Variants in CCSER1 observed in about 807,000 individuals in gnomAD.
CCSER1 encodes the protein serine-rich coiled-coil domain-containing protein 1.
In CCSER1, 41 loss-of-function variants were observed where a neutral mutation model predicts 82.0. That is an observed-to-expected ratio of 0.50 (90% CI 0.39 to 0.65). The LOEUF is 0.65. CCSER1 is among the 30% of genes least tolerant of loss of function. CCSER1 has a pLI of 0.00. For missense variants in CCSER1, 1,119 were observed against 1,064.2 expected, an observed-to-expected ratio of 1.05 and a Z score of -0.72; for synonymous variants, 414 against 383.9, an observed-to-expected ratio of 1.08 and a Z score of -0.92.
At chr4:90,426,416 G>A (rs1757537941) in intron 4 of CCSER1, among the ~76,000 whole-genome samples, 1 of 152,102 alleles carries the variant, frequency 6.6e-6, no homozygotes, top group Non-Finnish European at 1.5e-5. Context: ...CGCATTAGGT[G>A]GGATAGGCCT....
intron 9 of CCSER1, among the ~76,000 whole-genome samples, chr4:90,990,761 A>G (rs1736960220): frequency 6.6e-6 from 1 of 151,962 alleles, no homozygotes; most frequent in Non-Finnish European, 1.5e-5. Context: ...TTATCTGTGA[A>G]AAATGAAAGG....
intron 10 of CCSER1, among the ~76,000 whole-genome samples, chr4:91,287,549 T>A (rs1560567419): frequency 6.6e-6 from 1 of 151,996 alleles, no homozygotes; most frequent in African/African-American, 2.4e-5. Context: ...GTGTTTGAAA[T>A]ATATCTTCAG....
chr4:90,416,095 G>A (rs1755745334), intron 4 of CCSER1, among the ~76,000 whole-genome samples: 2 of 152,282 alleles, frequency 1.3e-5, no homozygotes, highest in Non-Finnish European at 2.9e-5. Flanking sequence ...CTAATATACA[G>A]CATGAATGGT....
rs143583016 is a variant in CCSER1 at position 90,583,190 on chromosome 4, G to A, written c.1725-44835G>A. 6.2e-3 allele frequency among the ~76,000 whole-genome samples: 936 copies of A among 152,014 alleles called. 10 individuals are homozygous for A. The highest frequency in any genetic ancestry group is 0.021 in the African/African-American group (878 of 41,444). ...GGATATGTTTTTTGTTTTTTAAGAC[G>A]GAGTCTCGCTCTGTCGCCCAGGCTG... On this transcript the variant is annotated intron_variant, in intron 5 of 10. Transcript: ENST00000509176.
In CCSER1 at chr4:91,345,827, T is replaced by G. The variant is rs112818138; in HGVS notation, c.2218-252745T>G. Among the ~76,000 whole-genome samples, 13 of 152,236 alleles carry G rather than the reference T, an allele frequency of 8.5e-5. 1 individual carries two copies. Among genetic ancestry groups the G allele is most frequent in the African/African-American group, 3.1e-4 (13 of 41,546 alleles). ...CACTTCCCTAAATTGCCCTGTGCTC[T>G]CCTATTCATCCTTTCCCCTCATGCC... On this transcript the variant is annotated intron_variant, in intron 10 of 10. Coordinates refer to ENST00000509176, the MANE Select transcript of CCSER1 (RefSeq NM_001145065.2).
chr4:90,564,002 T>C (rs1170224885), intron 5 of CCSER1, among the ~76,000 whole-genome samples: 2 of 152,206 alleles, frequency 1.3e-5, no homozygotes, highest in Non-Finnish European at 2.9e-5. Context: ...GGATATCTCA[T>C]TGTGGTTTTG....
intron 3 of CCSER1, among the ~76,000 whole-genome samples, chr4:90,363,266 T>C (rs1049223843): frequency 6.6e-6 from 1 of 152,196 alleles, no homozygotes; most frequent in Non-Finnish European, 1.5e-5. Flanking sequence ...TTTGTAGTCA[T>C]TTGATTTTGT....
At chr4:90,927,822 GA>G (rs1407003900) in intron 9 of CCSER1, among the ~76,000 whole-genome samples, 1 of 151,968 alleles carries the variant, frequency 6.6e-6, no homozygotes, top group Non-Finnish European at 1.5e-5. Context: ...TTCATGTTAG[GA>G]ATAAGAATGA....
chr4:91,548,946 T>C (rs1202500386), intron 10 of CCSER1, among the ~76,000 whole-genome samples: 2 of 152,168 alleles, frequency 1.3e-5, no homozygotes, highest in Non-Finnish European at 2.9e-5. Context: ...AAAATATTGC[T>C]TCTGTTTTTT....
chr4:91,314,943 GA>G (rs2149257673), intron 10 of CCSER1, among the ~76,000 whole-genome samples: 1 of 152,028 alleles, frequency 6.6e-6, no homozygotes, highest in East Asian at 1.9e-4. Flanking sequence ...AGAGGAGTGG[GA>G]AAGTGAGAGA....
At chr4:91,219,939 C>T (rs1737604729) in intron 10 of CCSER1, among the ~76,000 whole-genome samples, 1 of 151,982 alleles carries the variant, frequency 6.6e-6, no homozygotes, top group Non-Finnish European at 1.5e-5. Context: ...TTTCATTTGA[C>T]CAGTGTTTTT....
At chr4:91,144,023 T>A (rs1458621415) in intron 10 of CCSER1, among the ~76,000 whole-genome samples, 2 of 151,954 alleles carry the variant, frequency 1.3e-5, no homozygotes. Flanking sequence ...TCCTTTTTGG[T>A]TTTTTTGGAA....
At chr4:90,207,405 C>G (rs1305535096) in intron 1 of CCSER1, among the ~76,000 whole-genome samples, 1 of 151,980 alleles carries the variant, frequency 6.6e-6, no homozygotes, top group African/African-American at 2.4e-5. Flanking sequence ...AACCTTTTTT[C>G]AAGGTTCTTA....
chr4:90,595,137 C>T (rs1783176219), intron 5 of CCSER1, among the ~76,000 whole-genome samples: 1 of 151,858 alleles, frequency 6.6e-6, no homozygotes, highest in South Asian at 2.1e-4. Context: ...TGATTTCATC[C>T]AGTAGTTCTT....
At chr4:90,886,694 G>T (rs1455164075) in intron 8 of CCSER1, among the ~76,000 whole-genome samples, 3 of 152,096 alleles carry the variant, frequency 2.0e-5, no homozygotes, top group Non-Finnish European at 4.4e-5. Flanking sequence ...TTACTGATCA[G>T]AAAGTTGAAA....
At chr4:91,457,926 A>G (rs1028728096) in intron 10 of CCSER1, among the ~76,000 whole-genome samples, 7 of 152,178 alleles carry the variant, frequency 4.6e-5, no homozygotes, top group Non-Finnish European at 8.8e-5. Context: ...TGTATGATAT[A>G]TGATGTCAGA....
At chr4:90,383,127 C>A (rs1031294368) in intron 3 of CCSER1, among the ~76,000 whole-genome samples, 1 of 151,882 alleles carries the variant, frequency 6.6e-6, no homozygotes, top group African/African-American at 2.4e-5. Context: ...ATGAGAGAAT[C>A]TTTATAAAAG....
chr4:90,156,125 T>G (rs1728094981), intron 1 of CCSER1, among the ~76,000 whole-genome samples: 1 of 152,216 alleles, frequency 6.6e-6, no homozygotes, highest in African/African-American at 2.4e-5. Flanking sequence ...TTCATTTCGT[T>G]ATGTACCCAG....
intron 10 of CCSER1, among the ~76,000 whole-genome samples, chr4:91,445,390 CTT>C (rs5860235): frequency 0.11 from 15,639 of 141,840 alleles, 887 homozygotes; most frequent in Non-Finnish European, 0.12. Context: ...ATAGTAATTC[CTT>C]TTTTTTTTTT....
Sources: gnomAD v4.1 joint callset for allele counts (sites outside exome capture counted in the v4.1 genomes callset) on GRCh38, gnomAD v4.1.1 for gene constraint, MANE v1.5 for transcripts, NCBI Gene and HGNC (gene_info 2026-07-23, HGNC 2026-07-21) for gene names.